The following DLG2 variants were observed in gnomAD, a reference collection of about 807,000 sequenced individuals.
DLG2 encodes discs large MAGUK scaffold protein 2.
A neutral mutation model predicts 132.5 loss-of-function variants in DLG2; 45 were observed. The observed-to-expected ratio is 0.34, with a 90% CI of 0.27 to 0.44. The LOEUF is 0.44. Among genes scored for constraint, DLG2 ranks in the 20% least tolerant of loss-of-function variants. DLG2 has a pLI of 1.00. For synonymous variants in DLG2, 424 were observed against 419.6 expected, an observed-to-expected ratio of 1.01 and a Z score of -0.13; for missense variants, 1,045 against 1,196.9, an observed-to-expected ratio of 0.87 and a Z score of 1.87.
intron 6 of DLG2, among the ~76,000 whole-genome samples, chr11:84,871,951 A>C (rs2085536546): frequency 6.6e-6 from 1 of 152,184 alleles, no homozygotes; most frequent in Admixed American, 6.6e-5. Context: ...CTGGGATTTC[A>C]AGCGTGAGCC....
chr11:84,903,385 C>T (rs1414014626), intron 6 of DLG2, among the ~76,000 whole-genome samples: 3 of 152,080 alleles, frequency 2.0e-5, no homozygotes, highest in Non-Finnish European at 2.9e-5. Context: ...TTGAAAATTT[C>T]CCCAACACCC....
intron 7 of DLG2, among the ~76,000 whole-genome samples, chr11:84,412,347 G>A (rs1461763680): frequency 1.3e-5 from 2 of 151,218 alleles, no homozygotes; most frequent in African/African-American, 2.4e-5. Context: ...CAAATACTAT[G>A]TACTTGATTT....
chr11:84,557,390 G>A (rs1434484233), intron 6 of DLG2, among the ~76,000 whole-genome samples: 1 of 151,896 alleles, frequency 6.6e-6, no homozygotes, highest in Admixed American at 6.6e-5. Flanking sequence ...AATGACAAAA[G>A]CAAATTCCTT....
At chr11:84,973,102 T>C (rs1248688110) in intron 6 of DLG2, among the ~76,000 whole-genome samples, 1 of 151,898 alleles carries the variant, frequency 6.6e-6, no homozygotes, top group Non-Finnish European at 1.5e-5. Context: ...GGATTACAGG[T>C]GCATCCCACC....
chr11:84,439,348 G>C (rs558521951), intron 7 of DLG2, among the ~76,000 whole-genome samples: 1 of 152,094 alleles, frequency 6.6e-6, no homozygotes, highest in Non-Finnish European at 1.5e-5. Context: ...CAGAAATCTC[G>C]AGTGCTCACC....
Position 84,832,508 on chromosome 11 carries a change from A to C in DLG2, c.357+279153T>G, listed in dbSNP as rs1386445891. 4.6e-5 allele frequency among the ~76,000 whole-genome samples: 7 copies of C among 151,680 alleles called. No homozygotes were observed. In the East Asian group the frequency reaches 1.2e-3, roughly 25 times the overall value. On this transcript the variant is annotated intron_variant, in intron 6 of 27. Transcript: ENST00000376104. ...GACAACTCCAGAGACAAAGCACGGA[A>C]AAGTGCAGAGGAAGGTGCCCATGAT...
intron 6 of DLG2, among the ~76,000 whole-genome samples, chr11:84,721,569 G>A (rs1305289100): frequency 6.6e-6 from 1 of 151,372 alleles, no homozygotes; most frequent in African/African-American, 2.4e-5. Context: ...AAATCAGCAT[G>A]TGGCTGGCTG....
At chr11:84,368,341 T>G (rs1003506242) in intron 7 of DLG2, among the ~76,000 whole-genome samples, 6 of 152,180 alleles carry the variant, frequency 3.9e-5, no homozygotes, top group African/African-American at 1.4e-4. Flanking sequence ...TCTCATCTTC[T>G]TAAAATTACT....
At chr11:84,805,613 C>T (rs748687721) in intron 6 of DLG2, among the ~76,000 whole-genome samples, 1 of 152,052 alleles carries the variant, frequency 6.6e-6, no homozygotes, top group Non-Finnish European at 1.5e-5. Context: ...TGTAGCCTCC[C>T]CCCATCTCTG....
At chr11:84,966,707 G>C (rs1221522787) in intron 6 of DLG2, among the ~76,000 whole-genome samples, 1 of 152,098 alleles carries the variant, frequency 6.6e-6, no homozygotes, top group Non-Finnish European at 1.5e-5. Flanking sequence ...ATCATACATG[G>C]TCTTTCCGAA....
At chr11:84,220,055 T>C (rs2096892550) in intron 8 of DLG2, among the ~76,000 whole-genome samples, 1 of 152,200 alleles carries the variant, frequency 6.6e-6, no homozygotes, top group Non-Finnish European at 1.5e-5. Flanking sequence ...ACCCTGAAAA[T>C]GTCCCTGACA....
At chr11:84,680,867 A>G (rs1394206301) in intron 6 of DLG2, among the ~76,000 whole-genome samples, 1 of 152,174 alleles carries the variant, frequency 6.6e-6, no homozygotes, top group African/African-American at 2.4e-5. Context: ...TAAATGCTAG[A>G]ACCCAAGTTG....
intron 6 of DLG2, among the ~76,000 whole-genome samples, chr11:84,857,653 T>C (rs977640561): frequency 3.9e-5 from 6 of 152,120 alleles, no homozygotes; most frequent in Admixed American, 3.3e-4. Context: ...ATTTAGTCCC[T>C]ATTTTAAAAA....
At chr11:84,844,378 T>C (rs2081207860) in intron 6 of DLG2, among the ~76,000 whole-genome samples, 1 of 151,808 alleles carries the variant, frequency 6.6e-6, no homozygotes, top group Non-Finnish European at 1.5e-5. Context: ...ATATCTGTTA[T>C]GATTAGTATT....
At chr11:84,314,867 A>G (rs1163523949) in intron 7 of DLG2, among the ~76,000 whole-genome samples, 1 of 152,088 alleles carries the variant, frequency 6.6e-6, no homozygotes, top group Non-Finnish European at 1.5e-5. Context: ...GTTTTCAAGC[A>G]TTGGTGAAGA....
intron 17 of DLG2, among the ~76,000 whole-genome samples, chr11:83,821,472 T>A (rs7927008): frequency 0.27 from 40,436 of 152,032 alleles, 6,952 homozygotes; most frequent in African/African-American, 0.49. Context: ...GAATAAGTCA[T>A]AGTAGTTGTT....
At chr11:84,550,108 G>A (rs1291941031) in intron 6 of DLG2, among the ~76,000 whole-genome samples, 17 of 142,788 alleles carry the variant, frequency 1.2e-4, no homozygotes, top group Non-Finnish European at 2.1e-4. Context: ...ATTGTAAAAC[G>A]AGCCTATACA....
intron 4 of DLG2, among the ~76,000 whole-genome samples, chr11:85,255,963 T>C (rs2076644848): frequency 6.6e-6 from 1 of 152,024 alleles, no homozygotes. Context: ...TTCAGGAAAA[T>C]TTTCATATCT....
At chr11:84,070,422 A>G (rs750628689) in intron 10 of DLG2, among the ~76,000 whole-genome samples, 6 of 152,220 alleles carry the variant, frequency 3.9e-5, no homozygotes, top group African/African-American at 1.4e-4. Context: ...TTGCAAATAC[A>G]TGGCAGATTC....
Sources: gnomAD v4.1 joint callset for allele counts (sites outside exome capture counted in the v4.1 genomes callset) on GRCh38, gnomAD v4.1.1 for gene constraint, MANE v1.5 for transcripts, NCBI Gene and HGNC (gene_info 2026-07-23, HGNC 2026-07-21) for gene names.